The following NAPA variants were observed in gnomAD, a reference collection of about 807,000 sequenced individuals.
The protein encoded by NAPA is NSF attachment protein alpha, also known as alpha-soluble NSF attachment protein.
Under a neutral mutation model 48.0 loss-of-function variants are expected in NAPA, and 18 were observed. The observed-to-expected ratio is 0.38, with a 90% CI of 0.26 to 0.56. The LOEUF (loss-of-function observed/expected upper bound fraction) is 0.56, where lower values mean the gene tolerates loss of function less well. Among genes scored for constraint, NAPA ranks in the 20% least tolerant of loss-of-function variants. The probability of loss-of-function intolerance (pLI) is 0.77; values close to 1 mark genes in which losing one functional copy is unlikely to be tolerated. For missense variants in NAPA, 315 were observed against 385.0 expected, an observed-to-expected ratio of 0.82 and a Z score of 1.52; for synonymous variants, 152 against 149.9, an observed-to-expected ratio of 1.01 and a Z score of -0.10.
chr19:47,486,945 C>T (rs1373971113), downstream of NAPA, among the ~76,000 whole-genome samples: 1 of 152,236 alleles, frequency 6.6e-6, no homozygotes, highest in Non-Finnish European at 1.5e-5. Flanking sequence ...CTGCTCACTT[C>T]CTGACATTTT....
intron 1 of NAPA, among the ~76,000 whole-genome samples, chr19:47,507,168 G>A (rs1024060469): frequency 1.3e-5 from 2 of 151,984 alleles, no homozygotes; most frequent in Non-Finnish European, 1.5e-5. Flanking sequence ...GAGCCACTCC[G>A]GGAATAGAGG....
In NAPA at chr19:47,498,677, C is replaced by T. The variant is rs140808066; in HGVS notation, c.295+1956G>A. Among the ~76,000 whole-genome samples the T allele has an allele frequency of 6.0e-3, 918 of 152,302 alleles. 12 individuals carry two copies. The highest frequency in any genetic ancestry group is 0.021 in the African/African-American group (874 of 41,550). ...TGAGCGATCCTCCTGCCTCAGCCTC[C>T]CAAAGCACTGAAATTACAGGCATGA... On this transcript the variant is annotated intron_variant, in intron 3 of 10. Coordinates refer to ENST00000263354, the MANE Select transcript of NAPA (RefSeq NM_003827.4).
chr19:47,496,820 G>C (rs1291147348), intron 3 of NAPA: 1 of 453,642 alleles, frequency 2.2e-6, no homozygotes, highest in East Asian at 7.0e-5. Context: ...CCCTCCTTCT[G>C]ACATGTAAAC....
chr19:47,496,966 C>A (rs1599902602), intron 3 of NAPA: 28 of 379,120 alleles, frequency 7.4e-5, no homozygotes, highest in South Asian at 5.2e-4. Flanking sequence ...CAGACCGAGA[C>A]TGTGGCAGCA....
intron 1 of NAPA, among the ~76,000 whole-genome samples, chr19:47,507,461 C>T (rs1968714311): frequency 6.6e-6 from 1 of 152,212 alleles, no homozygotes. Context: ...AGACCCACCA[C>T]CTGCAGCTCC....
At chr19:47,494,735 C>CAA (rs11462456) in intron 4 of NAPA, among the ~76,000 whole-genome samples, 4,509 of 66,312 alleles carry the variant, frequency 0.068, 327 homozygotes, top group Middle Eastern at 0.12. Context: ...AACTCTGTCT[C>CAA]AAAAAAAAAA....
chr19:47,498,646 T>TG (rs1968494053), intron 3 of NAPA, among the ~76,000 whole-genome samples: 1 of 152,188 alleles, frequency 6.6e-6, no homozygotes, highest in African/African-American at 2.4e-5. Flanking sequence ...CTTGAACTCC[T>TG]GGGCTTGAGC....
intron 1 of NAPA, among the ~76,000 whole-genome samples, chr19:47,510,426 C>T (rs1039021981): frequency 2.0e-5 from 3 of 152,236 alleles, no homozygotes; most frequent in African/African-American, 7.2e-5. Flanking sequence ...ACAATACCTA[C>T]TAATAAAGAT....
chr19:47,491,887 CA>C, intron 8 of NAPA, 127 bp downstream of exon 8: 1 of 806,546 alleles, frequency 1.2e-6, no homozygotes, highest in Non-Finnish European at 2.0e-6. Flanking sequence ...ACTTCTCATC[CA>C]AAGGCTGGCT....
chr19:47,514,830 GC>G lies in NAPA; in HGVS notation c.98+12del. The G allele has an allele frequency of 1.2e-6, 2 of 1,612,548 alleles. No homozygotes were observed. The highest frequency in any genetic ancestry group is 1.7e-6 in the Non-Finnish European group (2 of 1,178,936). On this transcript the variant is annotated intron_variant, in intron 1 of 10. Coordinates refer to ENST00000263354, the MANE Select transcript of NAPA (RefSeq NM_003827.4). ...AGCCTAGGTCCCGGCCGACCCCTCA[GC>G]CCGGTTCTCACCCAAAGAGGCCAGA...
chr19:47,502,297 G>T (rs1262645915), intron 2 of NAPA, among the ~76,000 whole-genome samples: 1 of 149,506 alleles, frequency 6.7e-6, no homozygotes, highest in East Asian at 1.9e-4. Context: ...TTACCGGGGG[G>T]AAATGGCCTA....
Position 47,514,993 on chromosome 19 carries a change from C to A in NAPA, c.-53G>T. On this transcript the variant is annotated 5_prime_UTR_variant, in exon 1 of 11. Transcript: ENST00000263354. ...GCCTGACCCTGACCCTGGGAAGACTCAGCCGCGGCCGGGCCGCGGAACACA... is the reference window on the plus strand; with the variant it reads ...GCCTGACCCTGACCCTGGGAAGACTAAGCCGCGGCCGGGCCGCGGAACACA... 3 of 1,563,306 alleles carry A rather than the reference C, an allele frequency of 1.9e-6. No individual in the cohort carries two copies. The highest frequency in any genetic ancestry group is 2.2e-5 in the South Asian group (2 of 89,082).
intron 1 of NAPA, among the ~76,000 whole-genome samples, chr19:47,503,976 C>G (rs892288739): frequency 1.3e-5 from 2 of 152,186 alleles, no homozygotes; most frequent in Non-Finnish European, 2.9e-5. Flanking sequence ...AAAGACCTTG[C>G]AGCCCTGGAG....
intron 1 of NAPA, chr19:47,505,489 C>G (rs561851732): frequency 6.6e-5 from 10 of 152,374 alleles, no homozygotes; most frequent in African/African-American, 2.4e-4. Context: ...TTTCATCAAA[C>G]CAGAGTCCCA....
chr19:47,490,953 T>C (rs2293421), intron 8 of NAPA, 97 bp from the exon 9 acceptor site: 56,516 of 1,056,748 alleles, frequency 0.053, 2,549 homozygotes, highest in East Asian at 0.17. Context: ...TCGGGTGATA[T>C]TGAGTCAGCT....
At chr19:47,504,145 A>G (rs1021575343) in intron 1 of NAPA, among the ~76,000 whole-genome samples, 6 of 152,054 alleles carry the variant, frequency 3.9e-5, no homozygotes, top group African/African-American at 1.2e-4. Context: ...TGTAATCCCA[A>G]CACTTTGGGA....
intron 1 of NAPA, among the ~76,000 whole-genome samples, chr19:47,503,716 G>A (rs1438260439): frequency 6.6e-6 from 1 of 152,158 alleles, no homozygotes; most frequent in African/African-American, 2.4e-5. Flanking sequence ...GGGAGTACTG[G>A]GGTAGATACT....
At chr19:47,510,554 T>C (rs1568471838) in intron 1 of NAPA, among the ~76,000 whole-genome samples, 1 of 152,230 alleles carries the variant, frequency 6.6e-6, no homozygotes, top group African/African-American at 2.4e-5. Flanking sequence ...GATTTTCATT[T>C]CACAGATGAA....
At position 47,488,335 on chromosome 19, in the gene NAPA, G is replaced by A. The variant is rs780799014; in HGVS notation, c.841C>T (p.Leu281=). 6 of 1,613,590 alleles carry A rather than the reference G, an allele frequency of 3.7e-6. No homozygotes were observed. The highest frequency in any genetic ancestry group is 1.6e-4 in the Middle Eastern group (1 of 6,072). The change falls in exon 11 of 11, where the codon CTG becomes TTG. Residue 281 remains leucine (L), a synonymous_variant. Coordinates refer to ENST00000263354, the MANE Select transcript of NAPA (RefSeq NM_003827.4). ...RLDQWLTTML[L]RIKKTIQGDE... ...CCCTGGATGGTCTTCTTGATGCGCA[G>A]CAGCATGGTGGTGAGCCACTGGTCC...
Sources: allele counts gnomAD v4.1 joint callset (sites outside exome capture counted in the v4.1 genomes callset), GRCh38; gene constraint gnomAD v4.1.1; transcripts MANE v1.5; gene names NCBI Gene and HGNC (gene_info 2026-07-23, HGNC 2026-07-21).